Variants in LY6S observed in about 807,000 individuals in gnomAD.
LY6S encodes the protein lymphocyte antigen 6S.
At chr8:143,057,480 C>T in the LY6S span, 1 of 656,724 alleles carries the variant, frequency 1.5e-6, no homozygotes, top group Non-Finnish European at 2.8e-6. Flanking sequence ...GAACTCCTGA[C>T]CTTGTGATCC....
chr8:143,056,677 A>G, the LY6S span, among the ~76,000 whole-genome samples: 3 of 152,234 alleles, frequency 2.0e-5, no homozygotes, highest in South Asian at 4.1e-4. Context: ...TTCTGATTAC[A>G]TATTTTCCCC....
chr8:143,054,466 C>CA, the LY6S span, among the ~76,000 whole-genome samples: 1 of 152,170 alleles, frequency 6.6e-6, no homozygotes, highest in African/African-American at 2.4e-5. Context: ...CTTTCACTTA[C>CA]AGGCCAGAAA....
At chr8:143,047,152 T>TC in the LY6S span, among the ~76,000 whole-genome samples, 9 of 151,518 alleles carry the variant, frequency 5.9e-5, no homozygotes, top group Non-Finnish European at 1.3e-4. Context: ...TTGATTTTTT[T>TC]TTTTTAAGAT....
the LY6S span, among the ~76,000 whole-genome samples, chr8:143,063,533 A>C: frequency 6.6e-6 from 1 of 152,218 alleles, no homozygotes; most frequent in Non-Finnish European, 1.5e-5. Context: ...AACAGTTACC[A>C]AGGCATATGC....
chr8:143,067,667 G>A, the LY6S span, among the ~76,000 whole-genome samples: 85 of 152,340 alleles, frequency 5.6e-4, no homozygotes, highest in Admixed American at 2.5e-3. Flanking sequence ...CTATCTTGGC[G>A]AGGGGAGTGT....
the LY6S span, among the ~76,000 whole-genome samples, chr8:143,070,463 TAATATATATATAAATA>T: frequency 2.5e-5 from 1 of 39,252 alleles, no homozygotes; most frequent in African/African-American, 8.5e-5. Context: ...TATATATATA[TAATATATATATAAATA>T]TATATATATA....
At chr8:143,045,399 C>T in the LY6S span, among the ~76,000 whole-genome samples, 8 of 152,194 alleles carry the variant, frequency 5.3e-5, no homozygotes, top group Non-Finnish European at 8.8e-5. This position sits in a 1 kb window ranked among gnomAD's most constrained non-coding sequence, Gnocchi z 5.3. Context: ...GAGCAGCCCT[C>T]GGACTCCTCA....
chr8:143,059,414 C>T, the LY6S span, among the ~76,000 whole-genome samples: 3 of 151,636 alleles, frequency 2.0e-5, no homozygotes, highest in Non-Finnish European at 2.9e-5. Flanking sequence ...TTTTTTTAGA[C>T]AAATATTCCA....
At chr8:143,057,384 A>G in the LY6S span, among the ~76,000 whole-genome samples, 113,854 of 151,772 alleles carry the variant, frequency 0.75, 43,108 homozygotes, top group East Asian at 0.93. Flanking sequence ...TGAGTAGCTG[A>G]GACTACAGGC....
chr8:143,074,130 A>C, the LY6S span, among the ~76,000 whole-genome samples: 1 of 152,152 alleles, frequency 6.6e-6, no homozygotes, highest in Non-Finnish European at 1.5e-5. Context: ...CCAGTTTTAT[A>C]CTTCATGGAG....
the LY6S span, among the ~76,000 whole-genome samples, chr8:143,050,183 T>C: frequency 7.4e-6 from 1 of 135,884 alleles, no homozygotes; most frequent in Non-Finnish European, 1.5e-5. Flanking sequence ...TGACTTTTTT[T>C]TTTTTTTTTT....
At chr8:143,073,949 C>T in the LY6S span, among the ~76,000 whole-genome samples, 527 of 97,676 alleles carry the variant, frequency 5.4e-3, 4 homozygotes, top group Non-Finnish European at 8.0e-3. Flanking sequence ...TCCCCGGGGT[C>T]CCTGTTTGAG....
chr8:143,071,566 A>T, the LY6S span, among the ~76,000 whole-genome samples: 6 of 152,238 alleles, frequency 3.9e-5, no homozygotes, highest in Non-Finnish European at 8.8e-5. Flanking sequence ...GGCAGGATAC[A>T]CGGGAACCCT....
chr8:143,072,371 G>A, the LY6S span, among the ~76,000 whole-genome samples: 3 of 135,202 alleles, frequency 2.2e-5, no homozygotes, highest in Middle Eastern at 3.8e-3. Flanking sequence ...GGAGACAGCC[G>A]TCGTCCTCGG....
the LY6S span, among the ~76,000 whole-genome samples, chr8:143,067,583 G>A: frequency 6.6e-6 from 1 of 152,174 alleles, no homozygotes; most frequent in Non-Finnish European, 1.5e-5. Flanking sequence ...CCAGGAGACC[G>A]GCACTTAACA....
chr8:143,070,483 A>ATTTTTTT, the LY6S span, among the ~76,000 whole-genome samples: 1 of 85,960 alleles, frequency 1.2e-5, no homozygotes, highest in African/African-American at 7.3e-5. Flanking sequence ...ATAAATATAT[A>ATTTTTTT]TATATATTTT....
chr8:143,067,337 G>C, the LY6S span, among the ~76,000 whole-genome samples: 6 of 152,222 alleles, frequency 3.9e-5, no homozygotes, highest in African/African-American at 1.4e-4. Context: ...ATTGAATCAA[G>C]GTTTAATGGA....
the LY6S span, among the ~76,000 whole-genome samples, chr8:143,071,884 G>A: frequency 3.9e-5 from 6 of 152,126 alleles, no homozygotes; most frequent in African/African-American, 1.2e-4. Context: ...AGGGAGTCTG[G>A]TGGTTCTTCA....
the LY6S span, among the ~76,000 whole-genome samples, chr8:143,054,946 G>A: frequency 6.6e-6 from 1 of 152,182 alleles, no homozygotes; most frequent in African/African-American, 2.4e-5. Flanking sequence ...CAAAACCGAG[G>A]GGCCTTAAAT....
Sources: allele counts gnomAD v4.1 joint callset (sites outside exome capture counted in the v4.1 genomes callset), GRCh38; gene constraint gnomAD v4.1.1; non-coding constraint Gnocchi (gnomAD v3.1); transcripts MANE v1.5; gene names NCBI Gene and HGNC (gene_info 2026-07-23, HGNC 2026-07-21).